IRF2BPL: variants seen among roughly 807,000 people sequenced by gnomAD.
The protein encoded by IRF2BPL is probable E3 ubiquitin-protein ligase IRF2BPL.
IRF2BPL carries 13 observed loss-of-function variants against 51.2 expected under a neutral mutation model. The ratio of observed to expected loss-of-function variants is 0.25; its 90% CI spans 0.17 to 0.40. The LOEUF (loss-of-function observed/expected upper bound fraction) is 0.40. Ranked by LOEUF, IRF2BPL falls within the 10% of genes least tolerant of loss-of-function variation. IRF2BPL has a pLI of 1.00. For missense variants in IRF2BPL, 1,210 were observed against 1,111.8 expected, an observed-to-expected ratio of 1.09 and a Z score of -1.26; for synonymous variants, 768 against 509.2, an observed-to-expected ratio of 1.51 and a Z score of -6.84.
Position 77,027,938 on chromosome 14 carries a change from G to T in IRF2BPL, c.-146C>A, listed in dbSNP as rs1885210667. ...GAAAGTTCTGCCCCAGGGGCTGGAG[G>T]GAACGCGAGTCTCCACCGCCGGCGC... is the stretch of plus-strand genomic sequence containing the variant. On this transcript the variant is annotated 5_prime_UTR_variant, in exon 1 of 1. Coordinates refer to ENST00000238647, the MANE Select transcript of IRF2BPL (RefSeq NM_024496.4). The T allele has an allele frequency of 3.9e-6, 4 of 1,018,508 alleles. No homozygotes were observed. The South Asian group carries it at 8.2e-5, about 21-fold the overall frequency. The allele number at this position is 1,018,508 out of a possible 1,614,324, so 63.1% of individuals were successfully genotyped here. A position where few individuals can be genotyped will look rare whatever the true frequency, so the allele number is the denominator to read the frequency against.
rs200179282 is a variant in IRF2BPL, at chr14:77,027,838, C to T, written c.-46G>A. The T allele has an allele frequency of 2.1e-5, 31 of 1,454,448 alleles. No homozygotes were observed. In the East Asian group the frequency reaches 7.1e-4, roughly 33 times the overall value. 90.1% of individuals were successfully genotyped at this position (1,454,448 alleles called of 1,614,324 possible). A position where few individuals can be genotyped will look rare whatever the true frequency, so the allele number is the denominator to read the frequency against. ...TAGGCCCCCGCCCGGGCTGTCTCCG[C>T]GGCGCCTTCTCCTCCGGGAGGACTG... is the stretch of plus-strand genomic sequence containing the variant. On this transcript the variant is annotated 5_prime_UTR_variant, in exon 1 of 1. Coordinates refer to ENST00000238647, the MANE Select transcript of IRF2BPL (RefSeq NM_024496.4).
In IRF2BPL at chr14:77,024,972, CAAAAAAAAAA is replaced by C. The variant is rs11287198; in HGVS notation, c.*420_*429del. ...TTTTAGGCAGCAACACTGGCCTTGG[CAAAAAAAAAA>C]AAAAAAAAAAAAAAGTCTTTTTCTT... On this transcript the variant is annotated 3_prime_UTR_variant, in exon 1 of 1. Transcript: ENST00000238647. 1.5e-3 allele frequency: 6 copies of C among 4,088 alleles called. No individual in the cohort carries two copies. Among genetic ancestry groups the C allele is most frequent in the Admixed American group, 4.5e-3 (1 of 224 alleles). 0.3% of individuals were successfully genotyped at this position (4,088 alleles called of 1,614,324 possible).
In IRF2BPL at chr14:77,026,080, C is replaced by T; in HGVS notation, c.1713G>A (p.Ala571=). Reference sequence around the variant, plus strand: ...TGAGCTTCAGCGCCTCGCTCTGGTTCGCCATCCACTGCTGCCTCTGCTGTT... The same window carrying T: ...TGAGCTTCAGCGCCTCGCTCTGGTTTGCCATCCACTGCTGCCTCTGCTGTT... The part of the protein sequence containing the change: ...GEEQQRQQWM[A]NQSEALKLTM... The change falls in exon 1 of 1, where the codon GCG becomes GCA. Residue 571 remains alanine, a synonymous_variant. Coordinates refer to ENST00000238647, the MANE Select transcript of IRF2BPL (RefSeq NM_024496.4). The T allele has an allele frequency of 6.4e-7, 1 of 1,570,364 alleles. No homozygotes were observed. Among genetic ancestry groups the T allele is most frequent in the East Asian group, 2.4e-5 (1 of 42,224 alleles).
At position 77,026,324 on chromosome 14, in the gene IRF2BPL, G is replaced by T. The variant is rs1213748057; in HGVS notation, c.1469C>A (p.Pro490His). ...GGGCTGGGGCAGCATGTCGGCGCCG[G>T]GCACGCCCTCCTTGAAGAAGCGCAC... ...EAVRFFKEGV[P>H]GADMLPQPYL... is the part of the protein sequence containing the mutation. Residue 490 changes from proline (P) to histidine (H), a missense_variant, in exon 1 of 1, where the codon CCC (proline) becomes CAC (histidine). Physicochemically the swap from Pro to His is moderately conservative, Grantham distance 77 (BLOSUM62 -2). Transcript: ENST00000238647. 1 of 1,577,504 alleles carries T rather than the reference G, an allele frequency of 6.3e-7. No individual in the cohort carries two copies.
Position 77,025,644 on chromosome 14 carries a change from T to C in IRF2BPL, c.2149A>G (p.Ile717Val), listed in dbSNP as rs1885089687. The change falls in exon 1 of 1, where the codon ATT becomes GTT. Residue 717 changes from isoleucine (I) to valine (V), a missense_variant. Ile to Val is a conservative substitution (Grantham distance 29, BLOSUM62 3). Coordinates refer to ENST00000238647, the MANE Select transcript of IRF2BPL (RefSeq NM_024496.4). ...MANSGPLCCTICHERLEDTHF... is the reference protein window; with the variant it reads ...MANSGPLCCTVCHERLEDTHF... ...GTATCCTCCAAACGTTCGTGGCAAA[T>C]GGTGCAGCAGAGGGGTCCGCTGTTG... 3.2e-6 allele frequency: 5 copies of C among 1,572,042 alleles called. No homozygotes were observed. The highest frequency in any genetic ancestry group is 4.3e-6 in the Non-Finnish European group (5 of 1,156,152).
chr14:77,026,676 T>C lies in IRF2BPL; in HGVS notation c.1117A>G (p.Lys373Glu). 2 of 1,613,064 alleles carry C rather than the reference T, an allele frequency of 1.2e-6. No homozygotes were observed. The highest frequency in any genetic ancestry group is 1.7e-6 in the Non-Finnish European group (2 of 1,179,704). Residue 373 changes from lysine (K) to glutamate (E), a missense_variant, in exon 1 of 1, where the codon AAG becomes GAG. Physicochemically the swap from Lys to Glu is moderately conservative, Grantham distance 56. Coordinates refer to ENST00000238647, the MANE Select transcript of IRF2BPL (RefSeq NM_024496.4). ...GTGAGCAGCGTGTCGCGGACCATCT[T>C]GGGCTTGCTGGCCCACTCCTCGGCG... The part of the protein sequence containing the change: ...NRAEEWASKP[K>E]MVRDTLLTLA...
Position 77,026,834 on chromosome 14 carries a change from A to T in IRF2BPL, c.959T>A (p.Val320Glu). ...ACCAGCACCCACGCCCACCTCTGCC[A>T]CCGACGAAGAGGTCGAAGACGACGC... The part of the protein sequence containing the change: ...SSASSSTSSS[V>E]AEVGVGAGGK... The change falls in exon 1 of 1, where the codon GTG becomes GAG. Residue 320 changes from valine to glutamate, a missense_variant. Val to Glu is a moderately radical substitution (Grantham distance 121). Coordinates refer to ENST00000238647, the MANE Select transcript of IRF2BPL (RefSeq NM_024496.4). The T allele has an allele frequency of 1.2e-6, 2 of 1,611,236 alleles. No homozygotes were observed. Among genetic ancestry groups the T allele is most frequent in the Non-Finnish European group, 1.7e-6 (2 of 1,179,076 alleles).
In IRF2BPL at chr14:77,026,572, G is replaced by A. The variant is rs746802558; in HGVS notation, c.1221C>T (p.Ala407=). 15 of 1,613,852 alleles carry A rather than the reference G, an allele frequency of 9.3e-6. No homozygotes were observed. The highest frequency in any genetic ancestry group is 1.2e-5 in the Non-Finnish European group (14 of 1,180,000). ...CGTAGTCCATGCCGGGCTTGGAGAC[G>A]GCGTCGAAGGCGAAAACGCGGCCCA... is the stretch of plus-strand genomic sequence containing the variant. ...SLLGRVFAFD[A]VSKPGMDYEL... Residue 407 remains alanine, a synonymous_variant, in exon 1 of 1, where the codon GCC becomes GCT. Coordinates refer to ENST00000238647, the MANE Select transcript of IRF2BPL (RefSeq NM_024496.4).
rs1373276936 is a variant in IRF2BPL at position 77,027,301 on chromosome 14, CGCAGCGGCGGCGGCGGCGGCG to C, written c.471_491del (p.Ala158_Ala164del). 5.9e-6 allele frequency: 9 copies of C among 1,525,342 alleles called. No individual in the cohort carries two copies. The highest frequency in any genetic ancestry group is 4.3e-5 in the African/African-American group (3 of 70,404). The allele number at this position is 1,525,342 out of a possible 1,614,324, so 94.5% of individuals were successfully genotyped here. A position where few individuals can be genotyped will look rare whatever the true frequency, so the allele number is the denominator to read the frequency against. On this transcript the variant is annotated inframe_deletion, in exon 1 of 1. Transcript: ENST00000238647. Reference sequence around the variant, plus strand: ...ACTCGAAGCGGCTGCGCTGTTCCACCGCAGCGGCGGCGGCGGCGGCGGCGGCGGCGGCAGCGCTTAGGCCGT... The same window carrying C: ...ACTCGAAGCGGCTGCGCTGTTCCACCGCGGCGGCGGCAGCGCTTAGGCCGT...
rs375763367 is a variant in IRF2BPL, at chr14:77,026,415, G to A, written c.1378C>T (p.Leu460=). ...GAGCCGTGCTTCTTTTCGTACTCCA[G>A]GTACTTGAAACCCGAGGATAGGCCC... ...GRGLSSGFKY[L]EYEKKHGSGD... The change falls in exon 1 of 1, where the codon CTG becomes TTG. Residue 460 remains leucine (L), a synonymous_variant. Transcript: ENST00000238647. The A allele has an allele frequency of 9.6e-5, 155 of 1,613,378 alleles. No homozygotes were observed. In the Middle Eastern group the frequency reaches 1.3e-3, roughly 14 times the overall value.
At position 77,027,739 on chromosome 14, in the gene IRF2BPL, G is replaced by C; in HGVS notation, c.54C>G (p.Asp18Glu). ...SSRRQSCYLC[D>E]LPRMPWAMIW... ...TCATGGCCCAGGGCATGCGGGGCAG[G>C]TCGCACAGGTAGCAAGATTGTCTCC... The change falls in exon 1 of 1, where the codon GAC becomes GAG. Residue 18 changes from aspartate (D) to glutamate (E), a missense_variant. Transcript: ENST00000238647. The C allele has an allele frequency of 6.2e-7, 1 of 1,605,506 alleles. No homozygotes were observed. The highest frequency in any genetic ancestry group is 8.5e-7 in the Non-Finnish European group (1 of 1,176,264).
Position 77,026,888 on chromosome 14 carries a change from G to T in IRF2BPL, c.905C>A (p.Thr302Asn). 1 of 1,546,726 alleles carries T rather than the reference G, an allele frequency of 6.5e-7. No individual in the cohort carries two copies. The stretch of plus-strand genomic sequence containing the variant: ...GGACGACGTGGCCGATACACCCGGG[G>T]TACCCCCGAGACAAGCGGGGCCCCC... ...APGGPACLGG[T>N]PGVSATSSSA... The change falls in exon 1 of 1, where the codon ACC (threonine) becomes AAC (asparagine). Residue 302 changes from threonine (T) to asparagine (N), a missense_variant. Coordinates refer to ENST00000238647, the MANE Select transcript of IRF2BPL (RefSeq NM_024496.4).
At position 77,027,530 on chromosome 14, in the gene IRF2BPL, G is replaced by C; in HGVS notation, c.263C>G (p.Ala88Gly). 1.4e-6 allele frequency: 1 copy of C among 710,918 alleles called. No individual in the cohort carries two copies. Among genetic ancestry groups the C allele is most frequent in the South Asian group, 5.2e-5 (1 of 19,280 alleles). 44.0% of individuals were successfully genotyped at this position (710,918 alleles called of 1,614,324 possible). A position where few individuals can be genotyped will look rare whatever the true frequency, so the allele number is the denominator to read the frequency against. Reference protein sequence around the residue: ...VKTVALSAKEAAAAAAAAAAA... With the variant: ...VKTVALSAKEGAAAAAAAAAA... ...CGCCGCTGCTGCCGCCGCCGCCGCC[G>C]CTTCCTTAGCCGACAGGGCCACTGT... Residue 88 changes from alanine to glycine, a missense_variant, in exon 1 of 1, where the codon GCG becomes GGG. By Grantham distance (60) the Ala-to-Gly change is moderately conservative. Coordinates refer to ENST00000238647, the MANE Select transcript of IRF2BPL (RefSeq NM_024496.4).
In IRF2BPL at chr14:77,027,924, C is replaced by T. The variant is rs940803318; in HGVS notation, c.-132G>A. On this transcript the variant is annotated 5_prime_UTR_variant, in exon 1 of 1. Coordinates refer to ENST00000238647, the MANE Select transcript of IRF2BPL (RefSeq NM_024496.4). ...AGGAGGGGGGGCGAGAAAGTTCTGC[C>T]CCAGGGGCTGGAGGGAACGCGAGTC... 3.4e-6 allele frequency: 4 copies of T among 1,191,186 alleles called. No individual in the cohort carries two copies. The highest frequency in any genetic ancestry group is 1.6e-5 in the African/African-American group (1 of 62,288). 73.8% of individuals were successfully genotyped at this position (1,191,186 alleles called of 1,614,324 possible). A position where few individuals can be genotyped will look rare whatever the true frequency, so the allele number is the denominator to read the frequency against.
At position 77,027,186 on chromosome 14, in the gene IRF2BPL, T is replaced by C. The variant is rs1164706708; in HGVS notation, c.607A>G (p.Thr203Ala). 6.2e-7 allele frequency: 1 copy of C among 1,611,914 alleles called. No individual in the cohort carries two copies. Among genetic ancestry groups the C allele is most frequent in the African/African-American group, 1.3e-5 (1 of 74,760 alleles). Reference protein sequence around the residue: ...LGGPNGFPKPTPEEGPPELNR... With the variant: ...LGGPNGFPKPAPEEGPPELNR... ...AGCTCTGGGGGTCCCTCCTCTGGTG[T>C]TGGTTTGGGGAAGCCGTTTGGGCCC... The change falls in exon 1 of 1, where the codon ACA (threonine) becomes GCA (alanine). Residue 203 changes from threonine to alanine, a missense_variant. Coordinates refer to ENST00000238647, the MANE Select transcript of IRF2BPL (RefSeq NM_024496.4).
At position 77,027,816 on chromosome 14, in the gene IRF2BPL, G is replaced by GC. The variant is rs764514213; in HGVS notation, c.-25dup. 10 of 1,496,242 alleles carry GC rather than the reference G, an allele frequency of 6.7e-6. No homozygotes were observed. The highest frequency in any genetic ancestry group is 1.3e-5 in the South Asian group (1 of 77,520). 92.7% of individuals were successfully genotyped at this position (1,496,242 alleles called of 1,614,324 possible). ...ATGATGCCTGCCCTGGGGAAGGTAG[G>GC]CCCCCGCCCGGGCTGTCTCCGCGGC... On this transcript the variant is annotated 5_prime_UTR_variant, in exon 1 of 1. Coordinates refer to ENST00000238647, the MANE Select transcript of IRF2BPL (RefSeq NM_024496.4).
rs1450760374 is a variant in IRF2BPL at position 77,025,159 on chromosome 14, C to CTA, written c.*241_*242dup. 1 of 373,084 alleles carries CTA rather than the reference C, an allele frequency of 2.7e-6. No homozygotes were observed. The highest frequency in any genetic ancestry group is 4.8e-6 in the Non-Finnish European group (1 of 206,298). The allele number at this position is 373,084 out of a possible 1,614,324, so 23.1% of individuals were successfully genotyped here. A position where few individuals can be genotyped will look rare whatever the true frequency, so the allele number is the denominator to read the frequency against. ...TATGATGCAAATGACCCAACCAATACTATACTGCTTAACACAAACCAGCTT... is the reference window on the plus strand; with the variant it reads ...TATGATGCAAATGACCCAACCAATACTATATACTGCTTAACACAAACCAGCTT... On this transcript the variant is annotated 3_prime_UTR_variant, in exon 1 of 1. Coordinates refer to ENST00000238647, the MANE Select transcript of IRF2BPL (RefSeq NM_024496.4).
Position 77,025,789 on chromosome 14 carries a change from C to T in IRF2BPL, c.2004G>A (p.Gly668=). 1 of 1,610,810 alleles carries T rather than the reference C, an allele frequency of 6.2e-7. No homozygotes were observed. Among genetic ancestry groups the T allele is most frequent in the Non-Finnish European group, 8.5e-7 (1 of 1,178,756 alleles). The part of the protein sequence containing the change: ...SSPVSPASVP[G]QRRLASRNGD... ...CGTTACGTGATGCCAAGCGGCGCTGCCCCGGCACGGAGGCCGGCGAGACTG... is the reference window on the plus strand; with the variant it reads ...CGTTACGTGATGCCAAGCGGCGCTGTCCCGGCACGGAGGCCGGCGAGACTG... Residue 668 remains glycine, a synonymous_variant, in exon 1 of 1, where the codon GGG becomes GGA. Coordinates refer to ENST00000238647, the MANE Select transcript of IRF2BPL (RefSeq NM_024496.4).
chr14:77,026,780 G>A lies in IRF2BPL; in HGVS notation c.1013C>T (p.Thr338Ile), dbSNP rs139530644. The A allele has an allele frequency of 6.2e-7, 1 of 1,612,534 alleles. No homozygotes were observed. The highest frequency in any genetic ancestry group is 1.3e-5 in the African/African-American group (1 of 74,924). The change falls in exon 1 of 1, where the codon ACA (threonine) becomes ATA (isoleucine). Residue 338 changes from threonine (T) to isoleucine (I), a missense_variant. Transcript: ENST00000238647. ...CTCCTTCAACTCGCGCTCCTGGTCTGTGCTCGACACCGAGCCGGGCCTCTT... is the reference window on the plus strand; with the variant it reads ...CTCCTTCAACTCGCGCTCCTGGTCTATGCTCGACACCGAGCCGGGCCTCTT... ...GGKRPGSVSS[T>I]DQERELKEKQ...
Sources: gnomAD v4.1 joint callset for allele counts on GRCh38, gnomAD v4.1.1 for gene constraint, MANE v1.5 for transcripts, NCBI Gene and HGNC (gene_info 2026-07-23, HGNC 2026-07-21) for gene names.